The following ZNF385D variants were observed in gnomAD, a reference collection of about 807,000 sequenced individuals.
ZNF385D encodes the protein zinc finger protein 659.
In ZNF385D, 15 loss-of-function variants were observed where a neutral mutation model predicts 35.8. That is an observed-to-expected ratio of 0.42 (90% CI 0.28 to 0.64). The LOEUF (loss-of-function observed/expected upper bound fraction) is 0.64, where lower values mean the gene tolerates loss of function less well. Ranked by LOEUF, ZNF385D falls within the 30% of genes least tolerant of loss-of-function variation. The pLI is 0.23. For synonymous variants in ZNF385D, 212 were observed against 186.8 expected (o/e 1.13, Z -1.10); for missense variants, 474 against 494.6 (o/e 0.96, Z 0.39).
chr3:21,898,422 A>C (rs1050092722), intron 3 of ZNF385D, among the ~76,000 whole-genome samples: 2 of 152,168 alleles, frequency 1.3e-5, no homozygotes, highest in African/African-American at 4.8e-5. Context: ...CTTCCTACAT[A>C]AACACATAAG....
At chr3:22,028,860 T>A (rs1212688705) in intron 3 of ZNF385D, among the ~76,000 whole-genome samples, 2 of 152,146 alleles carry the variant, frequency 1.3e-5, no homozygotes, top group Non-Finnish European at 2.9e-5. Context: ...CAATGTCAAC[T>A]AGGGGACTAT....
intron 3 of ZNF385D, among the ~76,000 whole-genome samples, chr3:22,111,765 C>G (rs893998385): frequency 2.0e-5 from 3 of 152,026 alleles, no homozygotes; most frequent in Non-Finnish European, 4.4e-5. Context: ...GACTATTTTC[C>G]AAATGCTTTT....
chr3:22,358,871 GAA>G (rs1348065659), intron 2 of ZNF385D, among the ~76,000 whole-genome samples: 2 of 151,452 alleles, frequency 1.3e-5, no homozygotes, highest in African/African-American at 2.4e-5. Flanking sequence ...AATGTTAAAT[GAA>G]AAAGACACTC....
chr3:21,659,634 C>G (rs535956362), intron 2 of ZNF385D, among the ~76,000 whole-genome samples: 138 of 152,122 alleles, frequency 9.1e-4, no homozygotes, highest in African/African-American at 3.2e-3. Flanking sequence ...TCAAATTTCC[C>G]CCGTCTGTCC....
chr3:22,367,827 A>T lies in ZNF385D; in HGVS notation c.106+4623T>A, dbSNP rs150820851. 4.6e-3 allele frequency among the ~76,000 whole-genome samples: 707 copies of T among 152,302 alleles called. 4 individuals carry two copies. The highest frequency in any genetic ancestry group is 9.7e-3 in the South Asian group (47 of 4,834). ...TCAGAACATATAAGATAACAAAAAA[A>T]GTTAACAGGGAACATCTGGCCTCAT... On this transcript the variant is annotated intron_variant, in intron 2 of 5. Transcript: ENST00000494108.
intron 3 of ZNF385D, among the ~76,000 whole-genome samples, chr3:22,078,349 T>C (rs1700574129): frequency 6.6e-6 from 1 of 152,044 alleles, no homozygotes; most frequent in Non-Finnish European, 1.5e-5. Context: ...CATCATTTGG[T>C]GATCATAACA....
intron 1 of ZNF385D, among the ~76,000 whole-genome samples, chr3:21,745,342 T>C (rs974810034): frequency 2.0e-5 from 3 of 152,194 alleles, no homozygotes; most frequent in Admixed American, 1.3e-4. Context: ...AATGCCCTAA[T>C]ACAGGTTCAT....
At chr3:21,697,436 C>A (rs1363169038) in intron 1 of ZNF385D, among the ~76,000 whole-genome samples, 3 of 152,094 alleles carry the variant, frequency 2.0e-5, no homozygotes, top group African/African-American at 7.2e-5. Context: ...CCATGCTGAG[C>A]TTTATATTAG....
chr3:21,423,537 T>C (rs1444381589), intron 7 of ZNF385D, among the ~76,000 whole-genome samples: 1 of 152,180 alleles, frequency 6.6e-6, no homozygotes, highest in Non-Finnish European at 1.5e-5. Context: ...GACATTATAA[T>C]AGTATACTTA....
chr3:22,102,596 G>A (rs578040146), intron 3 of ZNF385D, among the ~76,000 whole-genome samples: 89 of 152,008 alleles, frequency 5.9e-4, no homozygotes, highest in African/African-American at 1.0e-3. Context: ...CTGGCCAAAT[G>A]AGGCATAGGC....
chr3:22,208,065 A>G (rs1697272112), intron 2 of ZNF385D, among the ~76,000 whole-genome samples: 1 of 152,042 alleles, frequency 6.6e-6, no homozygotes, highest in Non-Finnish European at 1.5e-5. Flanking sequence ...CGATGCAGCA[A>G]TTCCACTGCT....
chr3:22,357,997 C>T (rs1358539604), intron 2 of ZNF385D, among the ~76,000 whole-genome samples: 2 of 151,862 alleles, frequency 1.3e-5, no homozygotes, highest in African/African-American at 4.8e-5. Flanking sequence ...TTCCCAGTTA[C>T]CTTTGAGCTC....
At chr3:22,186,648 T>A (rs1010167494) in intron 2 of ZNF385D, among the ~76,000 whole-genome samples, 11 of 152,138 alleles carry the variant, frequency 7.2e-5, no homozygotes, top group African/African-American at 2.7e-4. Context: ...TCATAAGAAT[T>A]TGATATATTT....
chr3:22,318,602 A>T (rs1704031276), intron 2 of ZNF385D, among the ~76,000 whole-genome samples: 1 of 152,166 alleles, frequency 6.6e-6, no homozygotes, highest in Non-Finnish European at 1.5e-5. Flanking sequence ...CACTGCCTGC[A>T]TTTTTCAGCA....
intron 2 of ZNF385D, among the ~76,000 whole-genome samples, chr3:22,372,156 G>A (rs982167221): frequency 6.6e-6 from 1 of 151,852 alleles, no homozygotes; most frequent in Non-Finnish European, 1.5e-5. Flanking sequence ...CTTGGTTCTC[G>A]GCAATGAGCT....
chr3:21,933,796 A>T (rs1452257784), intron 3 of ZNF385D, among the ~76,000 whole-genome samples: 1 of 152,014 alleles, frequency 6.6e-6, no homozygotes, highest in African/African-American at 2.4e-5. Flanking sequence ...AATCTAAACA[A>T]CTTTTCTATC....
chr3:22,260,016 G>A (rs1479812292), intron 2 of ZNF385D, among the ~76,000 whole-genome samples: 2 of 151,932 alleles, frequency 1.3e-5, no homozygotes, highest in Non-Finnish European at 2.9e-5. Flanking sequence ...AACTGAATGT[G>A]TGAGCAAAAT....
At chr3:21,767,240 T>A (rs544676751) in intron 3 of ZNF385D, among the ~76,000 whole-genome samples, 1 of 152,228 alleles carries the variant, frequency 6.6e-6, no homozygotes, top group African/African-American at 2.4e-5. Context: ...AAGCTATACA[T>A]ACGTCTTAGG....
chr3:21,645,055 G>A (rs1348961257), intron 2 of ZNF385D, among the ~76,000 whole-genome samples: 1 of 152,202 alleles, frequency 6.6e-6, no homozygotes, highest in Non-Finnish European at 1.5e-5. Context: ...AGTGTGCAAT[G>A]AGAGCCAAAT....
Sources: gnomAD v4.1 joint callset for allele counts (sites outside exome capture counted in the v4.1 genomes callset) on GRCh38, gnomAD v4.1.1 for gene constraint, MANE v1.5 for transcripts, NCBI Gene and HGNC (gene_info 2026-07-23, HGNC 2026-07-21) for gene names.